FSTL4: variants seen among roughly 807,000 people sequenced by gnomAD.
FSTL4 encodes follistatin-related protein 4.
In FSTL4, 28 loss-of-function variants were observed where a neutral mutation model predicts 78.2. The observed-to-expected ratio is 0.36, with a 90% confidence interval of 0.27 to 0.49. The LOEUF (loss-of-function observed/expected upper bound fraction) is 0.49, where lower values mean the gene tolerates loss of function less well. Ranked by LOEUF, FSTL4 falls within the 20% of genes least tolerant of loss-of-function variation. FSTL4 has a pLI of 0.98. For missense variants in FSTL4, 922 were observed against 1,084.9 expected (o/e 0.85, Z 2.11); for synonymous variants, 422 against 440.5 (o/e 0.96, Z 0.53).
chr5:133,212,637 C>G (rs752841010), intron 13 of FSTL4, among the ~76,000 whole-genome samples: 6 of 151,954 alleles, frequency 3.9e-5, no homozygotes, highest in Non-Finnish European at 8.8e-5. Context: ...ATGGAAAGTC[C>G]TAACTTTTTT....
chr5:133,801,493 G>A, the FSTL4 span, among the ~76,000 whole-genome samples: 3 of 152,054 alleles, frequency 2.0e-5, no homozygotes, highest in South Asian at 2.1e-4. Flanking sequence ...TGAATCTGAC[G>A]CTCCGTACCA....
the FSTL4 span, among the ~76,000 whole-genome samples, chr5:133,622,989 C>T: frequency 1.3e-5 from 2 of 152,032 alleles, no homozygotes; most frequent in African/African-American, 2.4e-5. Flanking sequence ...AAGATTTTCT[C>T]CACTTTTTAA....
At chr5:133,572,778 T>G (rs902802477) in intron 2 of FSTL4, among the ~76,000 whole-genome samples, 8 of 152,148 alleles carry the variant, frequency 5.3e-5, no homozygotes, top group African/African-American at 1.9e-4. Context: ...GTCCTAGTAC[T>G]GTCCCAAAAA....
chr5:133,430,270 G>C (rs756791801), intron 3 of FSTL4, among the ~76,000 whole-genome samples: 1 of 152,232 alleles, frequency 6.6e-6, no homozygotes, highest in Non-Finnish European at 1.5e-5. Flanking sequence ...GGAGCTTGCT[G>C]CTCCCCTGAA....
At chr5:133,652,678 A>C in the FSTL4 span, among the ~76,000 whole-genome samples, 1 of 152,200 alleles carries the variant, frequency 6.6e-6, no homozygotes, top group South Asian at 2.1e-4. Flanking sequence ...ATGGCCCAGA[A>C]AGTAGTCTAT....
intron 3 of FSTL4, among the ~76,000 whole-genome samples, chr5:133,486,112 G>A (rs1178512886): frequency 1.3e-5 from 2 of 152,160 alleles, no homozygotes; most frequent in Non-Finnish European, 2.9e-5. Context: ...GGCTCATGGA[G>A]GAGAATAAGC....
chr5:133,702,425 G>T, the FSTL4 span, among the ~76,000 whole-genome samples: 1 of 152,070 alleles, frequency 6.6e-6, no homozygotes, highest in African/African-American at 2.4e-5. Flanking sequence ...AGAGCATTGG[G>T]GCAGGAGGTA....
chr5:133,296,259 C>A (rs1473377537), intron 6 of FSTL4, among the ~76,000 whole-genome samples: 1 of 152,208 alleles, frequency 6.6e-6, no homozygotes, highest in Non-Finnish European at 1.5e-5. Flanking sequence ...ACCCATGATC[C>A]AGCCTCTCCT....
chr5:133,747,253 G>A, the FSTL4 span, among the ~76,000 whole-genome samples: 1 of 152,148 alleles, frequency 6.6e-6, no homozygotes, highest in Non-Finnish European at 1.5e-5. Context: ...CACTAAATTT[G>A]CCAAGGAAAT....
At chr5:133,646,724 G>A in the FSTL4 span, among the ~76,000 whole-genome samples, 1 of 152,066 alleles carries the variant, frequency 6.6e-6, no homozygotes, top group Non-Finnish European at 1.5e-5. Context: ...CATGAGTTAA[G>A]GATGACACCA....
At chr5:133,548,088 C>G (rs993308490) in intron 3 of FSTL4, among the ~76,000 whole-genome samples, 1 of 152,148 alleles carries the variant, frequency 6.6e-6, no homozygotes, top group African/African-American at 2.4e-5. Flanking sequence ...TAGGACCCTC[C>G]CAGACCTTGC....
intron 12 of FSTL4, among the ~76,000 whole-genome samples, chr5:133,218,539 C>T (rs77840094): frequency 0.014 from 2,154 of 152,254 alleles, 55 homozygotes; most frequent in African/African-American, 0.048. Flanking sequence ...CTACAAGGCC[C>T]TCTACATTCG....
At chr5:133,656,543 A>G in the FSTL4 span, among the ~76,000 whole-genome samples, 2 of 152,072 alleles carry the variant, frequency 1.3e-5, no homozygotes, top group Non-Finnish European at 2.9e-5. Context: ...CAAGGCACCA[A>G]CAGCTTCTGC....
intron 2 of FSTL4, 44 bp downstream of exon 2, chr5:133,603,814 A>C: frequency 6.3e-7 from 1 of 1,595,242 alleles, no homozygotes; most frequent in Non-Finnish European, 8.6e-7. Flanking sequence ...AACATCGGAA[A>C]GCAATCAGTT....
At chr5:133,299,704 C>T (rs1753488696) in intron 6 of FSTL4, among the ~76,000 whole-genome samples, 1 of 152,152 alleles carries the variant, frequency 6.6e-6, no homozygotes, top group Non-Finnish European at 1.5e-5. Flanking sequence ...AGCCAGAGCT[C>T]CCTGAAAGGC....
rs79898614 is a variant in FSTL4, at chr5:133,505,415, A to G, written c.160+61771T>C. The stretch of plus-strand genomic sequence containing the variant: ...AGCACCCTCAAAGCACATCTGTGGC[A>G]GCAGCAGGTTTCACAGGCAGATGTC... On this transcript the variant is annotated intron_variant, in intron 3 of 15. Coordinates refer to ENST00000265342, the MANE Select transcript of FSTL4 (RefSeq NM_015082.2). Among the ~76,000 whole-genome samples, 353 of 152,354 alleles carry G rather than the reference A, an allele frequency of 2.3e-3. 3 individuals are homozygous for G. Among genetic ancestry groups the G allele is most frequent in the African/African-American group, 8.1e-3 (335 of 41,592 alleles).
At chr5:133,701,088 G>T in the FSTL4 span, among the ~76,000 whole-genome samples, 1 of 152,204 alleles carries the variant, frequency 6.6e-6, no homozygotes, top group East Asian at 1.9e-4. Flanking sequence ...GCCCCAGGGG[G>T]ACATTCCATA....
the FSTL4 span, among the ~76,000 whole-genome samples, chr5:133,701,718 C>A: frequency 9.9e-5 from 15 of 152,216 alleles, no homozygotes; most frequent in African/African-American, 3.6e-4. Flanking sequence ...GAAATTGTAG[C>A]AGGAACACAA....
chr5:133,567,516 G>C (rs1415021703), intron 2 of FSTL4, among the ~76,000 whole-genome samples: 1 of 152,200 alleles, frequency 6.6e-6, no homozygotes, highest in African/African-American at 2.4e-5. Flanking sequence ...CAAGTGTTAA[G>C]GAAGACCCTC....
Sources: gnomAD v4.1 joint callset for allele counts (sites outside exome capture counted in the v4.1 genomes callset) on GRCh38, gnomAD v4.1.1 for gene constraint, MANE v1.5 for transcripts, NCBI Gene and HGNC (gene_info 2026-07-23, HGNC 2026-07-21) for gene names.